The following PDXDC1 variants were observed in gnomAD, a reference collection of about 807,000 sequenced individuals.
PDXDC1 encodes pyridoxal dependent decarboxylase domain containing 1.
PDXDC1 carries 42 observed loss-of-function variants against 100.1 expected under a neutral mutation model. The observed-to-expected ratio is 0.42, with a 90% CI of 0.33 to 0.54. The LOEUF is 0.54. Ranked by LOEUF, PDXDC1 falls within the 20% of genes least tolerant of loss-of-function variation. PDXDC1 has a pLI of 0.10. For missense variants in PDXDC1, 636 were observed against 979.2 expected (o/e 0.65, Z 4.68); for synonymous variants, 260 against 371.7 (o/e 0.70, Z 3.46).
intron 16 of PDXDC1, among the ~76,000 whole-genome samples, chr16:15,077,935 ACACT>A (rs1210507803): frequency 9.9e-5 from 15 of 152,216 alleles, no homozygotes; most frequent in Non-Finnish European, 1.5e-4. Context: ...TATGCACAAG[ACACT>A]CACAGACACA....
chr16:15,111,456 CAAAA>C (rs4012875), intron 16 of PDXDC1, among the ~76,000 whole-genome samples: 1 of 100,472 alleles, frequency 1.0e-5, no homozygotes, highest in African/African-American at 3.9e-5. Context: ...AACTCTGTCT[CAAAA>C]AAAAAAAAAA....
chr16:15,141,247 G>C (rs567441870), downstream of PDXDC1, among the ~76,000 whole-genome samples: 1 of 152,344 alleles, frequency 6.6e-6, no homozygotes, highest in East Asian at 1.9e-4. Context: ...CACACAGGCT[G>C]CCTGGTGGGG....
intron 16 of PDXDC1, among the ~76,000 whole-genome samples, chr16:15,085,893 A>G (rs1009953656): frequency 6.6e-6 from 1 of 152,216 alleles, no homozygotes; most frequent in African/African-American, 2.4e-5. Flanking sequence ...TTAAACGGCT[A>G]AAAATTCCTA....
the PDXDC1 span, among the ~76,000 whole-genome samples, chr16:15,145,482 G>A: frequency 1.3e-5 from 2 of 152,260 alleles, no homozygotes; most frequent in African/African-American, 4.8e-5. Flanking sequence ...CTCTGCCTGG[G>A]CACAAAGCCC....
intron 16 of PDXDC1, among the ~76,000 whole-genome samples, chr16:15,049,180 C>T (rs2044201039): frequency 6.6e-6 from 1 of 151,660 alleles, no homozygotes; most frequent in South Asian, 2.1e-4. Context: ...AGGCACACAC[C>T]GCCACACCTG....
chr16:15,083,607 C>A, intron 16 of PDXDC1: 1 of 1,585,544 alleles, frequency 6.3e-7, no homozygotes, highest in South Asian at 1.2e-5. Context: ...TTAAATCAAT[C>A]CATGTTAACT....
rs188933898 is a variant in PDXDC1, at chr16:15,095,300, G to T, written c.1400-43579G>T. On this transcript the variant is annotated intron_variant, in intron 16 of 16. Transcript: ENST00000535621. ...CCCCTACTCTCAGGGAGGGGAAAAG[G>T]TTGCAACTTTGGAAACTGTACAGGC... 7.2e-5 allele frequency among the ~76,000 whole-genome samples: 11 copies of T among 152,182 alleles called. No individual in the cohort carries two copies. In the East Asian group the frequency reaches 1.4e-3, roughly 19 times the overall value.
chr16:15,028,834 G>A, intron 14 of PDXDC1, 44 bp from the exon 15 acceptor site: 2 of 1,591,532 alleles, frequency 1.3e-6, no homozygotes, highest in African/African-American at 1.3e-5. Flanking sequence ...TTTTTGGTCA[G>A]CCGTGTTTCT....
At chr16:15,034,091 C>G in intron 19 of PDXDC1, 195 bp from the exon 20 acceptor site, 1 of 594,774 alleles carries the variant, frequency 1.7e-6, no homozygotes, top group Non-Finnish European at 3.0e-6. Flanking sequence ...GGCTGGTCAC[C>G]AAGGTGTGTC....
At chr16:15,044,481 C>A (rs2043963462) in intron 16 of PDXDC1, 1 of 967,350 alleles carries the variant, frequency 1.0e-6, no homozygotes, top group Non-Finnish European at 1.7e-6. Flanking sequence ...TTTGAACTTT[C>A]ATTCTCAGTT....
At chr16:15,124,323 C>G (rs1411731007) in intron 16 of PDXDC1, among the ~76,000 whole-genome samples, 1 of 152,216 alleles carries the variant, frequency 6.6e-6, no homozygotes, top group Non-Finnish European at 1.5e-5. Context: ...CAAACTCTCT[C>G]AGGCCTCTGG....
At chr16:15,079,172 AG>A (rs2045594104) in intron 16 of PDXDC1, among the ~76,000 whole-genome samples, 9 of 151,534 alleles carry the variant, frequency 5.9e-5, no homozygotes, top group South Asian at 2.1e-4. Flanking sequence ...CAGGGAGCAA[AG>A]TTGAAGGATT....
At chr16:15,152,334 C>A in the PDXDC1 span, among the ~76,000 whole-genome samples, 1 of 129,488 alleles carries the variant, frequency 7.7e-6, no homozygotes, top group African/African-American at 2.7e-5. Context: ...TGATCTGTGT[C>A]CTTCACCTCT....
At chr16:14,985,881 G>A (rs1237242915) in intron 1 of PDXDC1, among the ~76,000 whole-genome samples, 2 of 152,236 alleles carry the variant, frequency 1.3e-5, no homozygotes, top group South Asian at 2.1e-4. Flanking sequence ...AGGATTGCTC[G>A]TGAAGCCAGG....
At chr16:15,109,973 G>C (rs1312487046) in intron 16 of PDXDC1, among the ~76,000 whole-genome samples, 1 of 145,928 alleles carries the variant, frequency 6.9e-6, no homozygotes, top group African/African-American at 2.5e-5. Flanking sequence ...GGACAACATG[G>C]TGAAACCCCA....
In PDXDC1 at chr16:15,055,794, G is replaced by T; in HGVS notation, c.1399+25738G>T. The stretch of plus-strand genomic sequence containing the variant: ...CCGGGGCTCCGGATGTGCCAACAGC[G>T]CCAAGTTTCAAGTCTGTGTCGCGTG... On this transcript the variant is annotated intron_variant, in intron 16 of 16. Coordinates refer to the PDXDC1 transcript ENST00000535621. 3.1e-6 allele frequency: 2 copies of T among 635,710 alleles called. 1 individual carries two copies. Among genetic ancestry groups the T allele is most frequent in the South Asian group, 1.6e-4 (2 of 12,780 alleles). The allele number at this position is 635,710 out of a possible 1,614,324, so 39.4% of individuals were successfully genotyped here.
chr16:15,096,202 A>G (rs1048746196), intron 16 of PDXDC1, among the ~76,000 whole-genome samples: 30 of 151,792 alleles, frequency 2.0e-4, no homozygotes, highest in African/African-American at 6.3e-4. Context: ...TCTGCTTCCC[A>G]GGTTCAAGCG....
intron 16 of PDXDC1, chr16:15,070,301 C>A (rs765667783): frequency 4.4e-6 from 7 of 1,603,898 alleles, no homozygotes; most frequent in South Asian, 3.3e-5. Context: ...CATAAAAAAA[C>A]CAGAATAACA....
At chr16:15,050,605 G>A (rs1402660198) in intron 16 of PDXDC1, among the ~76,000 whole-genome samples, 2 of 152,020 alleles carry the variant, frequency 1.3e-5, no homozygotes, top group Admixed American at 6.6e-5. Context: ...GGTGGCATGT[G>A]CCTGTAGTCC....
Sources: gnomAD v4.1 joint callset for allele counts (sites outside exome capture counted in the v4.1 genomes callset) on GRCh38, gnomAD v4.1.1 for gene constraint, MANE v1.5 for transcripts, NCBI Gene and HGNC (gene_info 2026-07-23, HGNC 2026-07-21) for gene names.